Variants in SEMA6D observed in about 807,000 individuals in gnomAD.
SEMA6D encodes semaphorin-6D.
In SEMA6D, 35 loss-of-function variants were observed where a neutral mutation model predicts 106.6. The observed-to-expected ratio is 0.33, with a 90% CI of 0.25 to 0.44. The LOEUF (loss-of-function observed/expected upper bound fraction) is 0.44, where lower values mean the gene tolerates loss of function less well. Among genes scored for constraint, SEMA6D ranks in the 20% least tolerant of loss-of-function variants. The pLI is 1.00. For missense variants in SEMA6D, 1,185 were observed against 1,345.9 expected, an observed-to-expected ratio of 0.88 and a Z score of 1.87; for synonymous variants, 499 against 487.7, an observed-to-expected ratio of 1.02 and a Z score of -0.31.
intron 4 of SEMA6D, among the ~76,000 whole-genome samples, chr15:47,688,050 G>T (rs2078507410): frequency 6.6e-6 from 1 of 151,968 alleles, no homozygotes; most frequent in Non-Finnish European, 1.5e-5. Flanking sequence ...ACTTAATGAG[G>T]TACATATTTG....
chr15:47,554,377 G>T (rs2045856005), intron 3 of SEMA6D, among the ~76,000 whole-genome samples: 1 of 152,216 alleles, frequency 6.6e-6, no homozygotes, highest in Non-Finnish European at 1.5e-5. Flanking sequence ...CAAGTTCTAA[G>T]TGAATGAGTG....
In SEMA6D at chr15:47,269,898, T is replaced by TG. The variant is rs571347681; in HGVS notation, c.-239+85480_-239+85481insG. Among the ~76,000 whole-genome samples the TG allele has an allele frequency of 3.4e-5, 5 of 146,876 alleles. No individual in the cohort carries two copies. In the South Asian group the frequency reaches 6.3e-4, roughly 18 times the overall value. On this transcript the variant is annotated intron_variant, in intron 1 of 19. Coordinates refer to the SEMA6D transcript ENST00000558014. ...GCTCATATATACATTTTAATGTATC[T>TG]TTTTTTTATTTTTGCCATCATAAGT...
intron 2 of SEMA6D, among the ~76,000 whole-genome samples, chr15:47,450,334 G>A (rs1327070206): frequency 1.3e-5 from 2 of 152,042 alleles, no homozygotes; most frequent in Non-Finnish European, 2.9e-5. Context: ...ATACTGGAAT[G>A]CAATGCTCCC....
At chr15:47,320,463 A>G (rs1485719020) in intron 1 of SEMA6D, among the ~76,000 whole-genome samples, 1 of 152,204 alleles carries the variant, frequency 6.6e-6, no homozygotes, top group Non-Finnish European at 1.5e-5. Flanking sequence ...TTCACTTTAT[A>G]TGCAGTGATT....
chr15:47,688,423 A>G (rs1415185552), intron 4 of SEMA6D, among the ~76,000 whole-genome samples: 2 of 152,230 alleles, frequency 1.3e-5, no homozygotes, highest in African/African-American at 2.4e-5. Context: ...TTCAAATATT[A>G]AAAGGACAAT....
intron 4 of SEMA6D, among the ~76,000 whole-genome samples, chr15:47,659,089 A>T (rs758486537): frequency 1.1e-4 from 16 of 152,136 alleles, no homozygotes; most frequent in South Asian, 2.1e-4. Flanking sequence ...ATACCAATGT[A>T]ATATTTTAAA....
At chr15:47,615,390 T>A (rs894475341) in intron 4 of SEMA6D, among the ~76,000 whole-genome samples, 1 of 152,202 alleles carries the variant, frequency 6.6e-6, no homozygotes, top group Admixed American at 6.5e-5. Context: ...CTTTAACCAA[T>A]GGCACAGATA....
chr15:47,607,419 G>A (rs915021588), intron 4 of SEMA6D, among the ~76,000 whole-genome samples: 1 of 152,148 alleles, frequency 6.6e-6, no homozygotes, highest in Non-Finnish European at 1.5e-5. Flanking sequence ...GCAAGCTAGT[G>A]GCAGCAGCAG....
At chr15:47,184,223 G>T in exon 1 of SEMA6D, 1 of 153,074 alleles carries the variant, frequency 6.5e-6, no homozygotes. Flanking sequence ...CTAGGAGGCA[G>T]CGGGGAGCGT....
chr15:47,623,572 T>G (rs949926198), intron 4 of SEMA6D, among the ~76,000 whole-genome samples: 1 of 152,154 alleles, frequency 6.6e-6, no homozygotes. Flanking sequence ...ATGAGAGTGG[T>G]GTTGATACTA....
At chr15:47,644,763 T>A (rs2077550698) in intron 4 of SEMA6D, among the ~76,000 whole-genome samples, 1 of 152,196 alleles carries the variant, frequency 6.6e-6, no homozygotes, top group African/African-American at 2.4e-5. Context: ...AGATATTCCA[T>A]TACAGCAGCA....
chr15:47,366,808 T>G (rs1567030157), intron 1 of SEMA6D, among the ~76,000 whole-genome samples: 1 of 152,134 alleles, frequency 6.6e-6, no homozygotes, highest in Non-Finnish European at 1.5e-5. Context: ...TAAGGAAAGA[T>G]AGAGTTAGAA....
intron 2 of SEMA6D, among the ~76,000 whole-genome samples, chr15:47,448,397 C>T (rs1230801510): frequency 2.6e-5 from 4 of 152,070 alleles, no homozygotes; most frequent in African/African-American, 9.7e-5. Flanking sequence ...GTGGCACGGC[C>T]TCAGTCATGC....
intron 2 of SEMA6D, among the ~76,000 whole-genome samples, chr15:47,449,903 T>C (rs1257766940): frequency 1.3e-5 from 2 of 152,128 alleles, no homozygotes; most frequent in Admixed American, 6.6e-5. Flanking sequence ...TGACAAGTTA[T>C]GTGTTTAGCC....
chr15:47,531,977 T>C (rs1229596112), intron 3 of SEMA6D, among the ~76,000 whole-genome samples: 1 of 152,162 alleles, frequency 6.6e-6, no homozygotes, highest in Non-Finnish European at 1.5e-5. Flanking sequence ...TTTGCACCAG[T>C]CTAATACAAT....
At chr15:47,353,929 A>G (rs994320873) in intron 1 of SEMA6D, among the ~76,000 whole-genome samples, 2 of 152,130 alleles carry the variant, frequency 1.3e-5, no homozygotes, top group Non-Finnish European at 2.9e-5. Context: ...TATGAAGAAT[A>G]TATCTTAAGA....
chr15:47,528,716 A>G (rs2044845425), intron 3 of SEMA6D, among the ~76,000 whole-genome samples: 1 of 152,214 alleles, frequency 6.6e-6, no homozygotes, highest in Admixed American at 6.5e-5. Context: ...ATTAGCCAGA[A>G]CTAGGCCACA....
chr15:47,458,649 T>A (rs1406053927), intron 2 of SEMA6D, among the ~76,000 whole-genome samples: 1 of 152,012 alleles, frequency 6.6e-6, no homozygotes, highest in Non-Finnish European at 1.5e-5. Context: ...AATCAGAATG[T>A]ATTTTGAAAT....
At chr15:47,380,268 T>G (rs1364799255) in intron 1 of SEMA6D, among the ~76,000 whole-genome samples, 4 of 152,236 alleles carry the variant, frequency 2.6e-5, no homozygotes, top group African/African-American at 9.6e-5. Context: ...GAATGTTTTC[T>G]TTGAGTTCGA....
Sources: gnomAD v4.1 joint callset for allele counts (sites outside exome capture counted in the v4.1 genomes callset) on GRCh38, gnomAD v4.1.1 for gene constraint, MANE v1.5 for transcripts, NCBI Gene and HGNC (gene_info 2026-07-23, HGNC 2026-07-21) for gene names.